DBF4: variants seen among roughly 807,000 people sequenced by gnomAD.
DBF4 encodes DBF4-CDC7 kinase regulatory subunit, also known as protein DBF4 homolog A.
DBF4 carries 25 observed loss-of-function variants against 76.6 expected under a neutral mutation model. The observed-to-expected ratio is 0.33, with a 90% CI of 0.24 to 0.46. DBF4 has a LOEUF of 0.46. DBF4 is among the 20% of genes least tolerant of loss of function. DBF4 has a pLI of 1.00. For missense variants in DBF4, 638 were observed against 760.8 expected (o/e 0.84, Z 1.90); for synonymous variants, 213 against 258.0 (o/e 0.83, Z 1.67).
Position 87,900,501 on chromosome 7 carries a change from G to A in DBF4, c.809+152G>A, listed in dbSNP as rs895150061. The A allele has an allele frequency of 2.1e-4, 200 of 970,794 alleles. 1 individual carries two copies. Among genetic ancestry groups the A allele is most frequent in the Non-Finnish European group, 2.7e-4 (182 of 674,526 alleles). 60.1% of individuals were successfully genotyped at this position (970,794 alleles called of 1,614,324 possible). On this transcript the variant is annotated intron_variant, in intron 9 of 11. Transcript: ENST00000265728. The stretch of plus-strand genomic sequence containing the variant: ...ACTTTTATAAGTCTGAATCTGTTTA[G>A]ATGGAGGTGGGGAGGGCCTTAAAAT...
chr7:87,876,836 CA>C, intron 1 of DBF4, 58 bp downstream of exon 1: 2 of 1,585,090 alleles, frequency 1.3e-6, no homozygotes, highest in Non-Finnish European at 1.7e-6. Flanking sequence ...CTCGTGGTTC[CA>C]CCATTGATTC....
intron 2 of DBF4, 40 bp from the exon 3 acceptor site, chr7:87,884,939 A>T: frequency 6.6e-7 from 1 of 1,505,214 alleles, no homozygotes; most frequent in South Asian, 1.2e-5. Context: ...CGTGTTTCTT[A>T]AAACAAATTT....
At chr7:87,883,460 G>A (rs1839267854) in intron 2 of DBF4, among the ~76,000 whole-genome samples, 1 of 152,054 alleles carries the variant, frequency 6.6e-6, no homozygotes, top group Non-Finnish European at 1.5e-5. Flanking sequence ...TAGGAGATCG[G>A]GTTTCTTATG....
intron 10 of DBF4, among the ~76,000 whole-genome samples, chr7:87,901,310 A>T (rs1839782276): frequency 6.6e-6 from 1 of 152,208 alleles, no homozygotes; most frequent in African/African-American, 2.4e-5. Flanking sequence ...GAGAGAAATG[A>T]AGTAATGAGA....
chr7:87,904,390 T>C lies in DBF4; in HGVS notation c.1023T>C (p.Tyr341=), dbSNP rs1270984332. Reference sequence around the variant, plus strand: ...AGTTAGTTTTTGACTTTGTGGAATATGAAAAGGACACACCTAAAAAGAAAA... The same window carrying C: ...AGTTAGTTTTTGACTTTGTGGAATACGAAAAGGACACACCTAAAAAGAAAA... The part of the protein sequence containing the change: ...VSKLVFDFVE[Y]EKDTPKKKRI... The change falls in exon 11 of 12, where the codon TAT becomes TAC. Residue 341 remains tyrosine, a synonymous_variant. Transcript: ENST00000265728. The C allele has an allele frequency of 1.2e-6, 2 of 1,613,240 alleles. No homozygotes were observed. Among genetic ancestry groups the C allele is most frequent in the Non-Finnish European group, 1.7e-6 (2 of 1,179,678 alleles).
chr7:87,902,703 G>A (rs894729702), intron 10 of DBF4, among the ~76,000 whole-genome samples: 1 of 152,172 alleles, frequency 6.6e-6, no homozygotes, highest in African/African-American at 2.4e-5. Flanking sequence ...TTAACAGAGT[G>A]AATCTGAGCT....
At position 87,900,215 on chromosome 7, in the gene DBF4, TTC is replaced by T. The variant is rs1406393047; in HGVS notation, c.681-4_681-3del. The T allele has an allele frequency of 2.5e-6, 4 of 1,582,496 alleles. No individual in the cohort carries two copies. The highest frequency in any genetic ancestry group is 3.5e-6 in the Non-Finnish European group (4 of 1,158,392). On this transcript the variant is annotated splice_region_variant and splice_polypyrimidine_tract_variant and intron_variant, in intron 8 of 11. Coordinates refer to ENST00000265728, the MANE Select transcript of DBF4 (RefSeq NM_006716.4). Reference sequence around the variant, plus strand: ...ATCTCATGTATTTGTCTTTTTATTCTTCTAGACTTTATAGGCCATTTTATCTT... The same window carrying T: ...ATCTCATGTATTTGTCTTTTTATTCTTAGACTTTATAGGCCATTTTATCTT...
At chr7:87,905,820 CTT>C (rs754157893) in intron 11 of DBF4, among the ~76,000 whole-genome samples, 1 of 152,066 alleles carries the variant, frequency 6.6e-6, no homozygotes, top group Non-Finnish European at 1.5e-5. Flanking sequence ...TCATGACTGA[CTT>C]AATATGGATT....
intron 7 of DBF4, 123 bp from the exon 8 acceptor site, chr7:87,897,171 A>C (rs1839661930): frequency 4.6e-6 from 4 of 866,316 alleles, no homozygotes; most frequent in Non-Finnish European, 7.1e-6. Flanking sequence ...TCTGAGGCTT[A>C]AAACTTTAAA....
chr7:87,896,337 T>G (rs774829481), intron 6 of DBF4, 137 bp from the exon 7 acceptor site: 88 of 667,252 alleles, frequency 1.3e-4, no homozygotes, highest in Non-Finnish European at 2.1e-4. Flanking sequence ...ACAATAGTTT[T>G]TTTTAACAAA....
intron 3 of DBF4, 46 bp downstream of exon 3, chr7:87,885,204 G>A: frequency 1.4e-6 from 2 of 1,469,416 alleles, no homozygotes; most frequent in Non-Finnish European, 9.2e-7. Context: ...GCTATATCCT[G>A]AAGATCTCCT....
At chr7:87,880,323 C>T (rs1015737874) in intron 2 of DBF4, among the ~76,000 whole-genome samples, 4 of 152,134 alleles carry the variant, frequency 2.6e-5, no homozygotes, top group Admixed American at 2.0e-4. Flanking sequence ...TTAGTCTTTA[C>T]CCCTGAAATG....
rs1398702574 is a variant in DBF4 at position 87,907,677 on chromosome 7, T to C, written c.1539T>C (p.Phe513=). ...QPKQKSDTVL[F]PAKDLKEKDL... ...AACAGAAGTCAGATACTGTGCTTTT[T>C]CCAGCAAAGGATCTCAAGGAAAAGG... Residue 513 remains phenylalanine, a synonymous_variant, in exon 12 of 12, where the codon TTT becomes TTC. Transcript: ENST00000265728. 30 of 1,613,958 alleles carry C rather than the reference T, an allele frequency of 1.9e-5. No homozygotes were observed. Among genetic ancestry groups the C allele is most frequent in the Non-Finnish European group, 2.5e-5 (30 of 1,179,954 alleles).
At chr7:87,895,953 A>T (rs949811970) in intron 6 of DBF4, among the ~76,000 whole-genome samples, 3 of 152,180 alleles carry the variant, frequency 2.0e-5, no homozygotes, top group Non-Finnish European at 4.4e-5. Flanking sequence ...TGGCTCTGCC[A>T]CTGCTGCTAA....
At position 87,907,246 on chromosome 7, in the gene DBF4, G is replaced by A; in HGVS notation, c.1108G>A (p.Glu370Lys). The A allele has an allele frequency of 1.2e-6, 2 of 1,613,364 alleles. No individual in the cohort carries two copies. The highest frequency in any genetic ancestry group is 1.1e-5 in the South Asian group (1 of 90,792). The stretch of plus-strand genomic sequence containing the variant: ...TTCTGCAAGTGTCCTGAAAAAGACT[G>A]AACAAAAGGAAAAAGTGGAATTGCA... ...PVSASVLKKTEQKEKVELQHI... is the reference protein window; with the variant it reads ...PVSASVLKKTKQKEKVELQHI... Residue 370 changes from glutamate to lysine, a missense_variant, in exon 12 of 12, where the codon GAA becomes AAA. Physicochemically the swap from Glu to Lys is moderately conservative, Grantham distance 56. Coordinates refer to ENST00000265728, the MANE Select transcript of DBF4 (RefSeq NM_006716.4).
Position 87,907,273 on chromosome 7 carries a change from C to T in DBF4, c.1135C>T (p.His379Tyr), listed in dbSNP as rs770694230. 7 of 1,613,864 alleles carry T rather than the reference C, an allele frequency of 4.3e-6. No homozygotes were observed. The highest frequency in any genetic ancestry group is 1.1e-5 in the South Asian group (1 of 91,012). Residue 379 changes from histidine to tyrosine, a missense_variant, in exon 12 of 12, where the codon CAT becomes TAT. His to Tyr is a moderately conservative substitution (Grantham distance 83). Transcript: ENST00000265728. ...ACAAAAGGAAAAAGTGGAATTGCAA[C>T]ATATTTCTCAGAAAGATTGCCAGGA... is the stretch of plus-strand genomic sequence containing the variant. ...TEQKEKVELQ[H>Y]ISQKDCQEDD...
intron 6 of DBF4, among the ~76,000 whole-genome samples, chr7:87,894,875 A>G (rs1839594503): frequency 6.6e-6 from 1 of 152,176 alleles, no homozygotes; most frequent in Non-Finnish European, 1.5e-5. Context: ...GATTGTGCCT[A>G]CACTTGGTTC....
In DBF4 at chr7:87,897,336, G is replaced by A. The variant is rs752796466; in HGVS notation, c.677G>A (p.Ser226Asn). ...KKPFVKVEDM[S>N]QLYRPFYLQL... ...CCTTTTGTAAAGGTGGAAGATATGAGCCAGTAAGTATTTAAGTCCAATCTG... is the reference window on the plus strand; with the variant it reads ...CCTTTTGTAAAGGTGGAAGATATGAACCAGTAAGTATTTAAGTCCAATCTG... The change falls in exon 8 of 12, where the codon AGC (serine) becomes AAC (asparagine). Residue 226 changes from serine (S) to asparagine (N), a missense_variant. Coordinates refer to ENST00000265728, the MANE Select transcript of DBF4 (RefSeq NM_006716.4). 1.9e-6 allele frequency: 3 copies of A among 1,612,580 alleles called. No individual in the cohort carries two copies. In the African/African-American group the frequency reaches 4.0e-5, roughly 22 times the overall value.
chr7:87,897,006 G>A (rs147069231), intron 7 of DBF4, among the ~76,000 whole-genome samples: 167 of 152,292 alleles, frequency 1.1e-3, no homozygotes, highest in African/African-American at 3.9e-3. Context: ...TTCAGTTTGA[G>A]GTTAGTGAAG....
Sources: gnomAD v4.1 joint callset for allele counts (sites outside exome capture counted in the v4.1 genomes callset) on GRCh38, gnomAD v4.1.1 for gene constraint, MANE v1.5 for transcripts, NCBI Gene and HGNC (gene_info 2026-07-23, HGNC 2026-07-21) for gene names.